Variants in WDR86 observed in about 807,000 individuals in gnomAD.
WDR86 encodes the protein WD repeat domain 86.
Under a neutral mutation model 36.5 loss-of-function variants are expected in WDR86, and 30 were observed. The observed-to-expected ratio is 0.82, with a 90% confidence interval of 0.61 to 1.11. WDR86 has a LOEUF of 1.11. Among genes scored for constraint, WDR86 ranks in the 50% most tolerant of loss-of-function variants. WDR86 has a pLI of 0.00. For synonymous variants in WDR86, 255 were observed against 252.9 expected, an observed-to-expected ratio of 1.01 and a Z score of -0.08; for missense variants, 545 against 561.2, an observed-to-expected ratio of 0.97 and a Z score of 0.29.
chr7:151,409,262 T>A lies in WDR86; in HGVS notation c.163+165A>T. 1 of 1,197,768 alleles carries A rather than the reference T, an allele frequency of 8.3e-7. No homozygotes were observed. The highest frequency in any genetic ancestry group is 1.2e-6 in the Non-Finnish European group (1 of 856,574). 74.2% of individuals were successfully genotyped at this position (1,197,768 alleles called of 1,614,324 possible). Reference sequence around the variant, plus strand: ...GACCTCACCCTGCCCTGCCGTGCGCTCAACAGCCAGATGCTGGGCCCAGAC... The same window carrying A: ...GACCTCACCCTGCCCTGCCGTGCGCACAACAGCCAGATGCTGGGCCCAGAC... On this transcript the variant is annotated intron_variant, in intron 1 of 5. Coordinates refer to ENST00000334493, the MANE Select transcript of WDR86 (RefSeq NM_198285.3). The surrounding 1 kb of genome is among the most constrained non-coding windows in gnomAD (Gnocchi z 5.2).
At chr7:151,402,070 A>AAAAATATATATATATAT in intron 1 of WDR86, among the ~76,000 whole-genome samples, 20 of 50,520 alleles carry the variant, frequency 4.0e-4, no homozygotes, top group East Asian at 4.9e-4. Flanking sequence ...AAAAAAAAAA[A>AAAAATATATATATATAT]ATATATATAT....
At chr7:151,369,759 C>G in the WDR86 span, among the ~76,000 whole-genome samples, 1 of 152,212 alleles carries the variant, frequency 6.6e-6, no homozygotes, top group African/African-American at 2.4e-5. Flanking sequence ...CAGGTCCTTT[C>G]TAGCTGTAAA....
intron 2 of WDR86, among the ~76,000 whole-genome samples, chr7:151,398,061 G>A (rs910220373): frequency 1.1e-4 from 17 of 152,228 alleles, no homozygotes; most frequent in Non-Finnish European, 2.2e-4. Context: ...TGGGTTTGGA[G>A]CTGTGACCGA....
Position 151,409,192 on chromosome 7 carries a change from C to A in WDR86, c.163+235G>T. ...TAGCGGACGCCCCTCGACCCACCCA[C>A]CCGATCCCGGCCGCACCCTGCTCTG... is the stretch of plus-strand genomic sequence containing the variant. On this transcript the variant is annotated intron_variant, in intron 1 of 5. Coordinates refer to ENST00000334493, the MANE Select transcript of WDR86 (RefSeq NM_198285.3). The surrounding 1 kb of genome is among the most constrained non-coding windows in gnomAD (Gnocchi z 5.2). 8 of 627,022 alleles carry A rather than the reference C, an allele frequency of 1.3e-5. No homozygotes were observed. The highest frequency in any genetic ancestry group is 1.7e-5 in the Non-Finnish European group (6 of 349,506). The allele number at this position is 627,022 out of a possible 1,614,324, so 38.8% of individuals were successfully genotyped here.
chr7:151,376,098 A>G (rs900298760), exon 2 of WDR86: 8 of 621,506 alleles, frequency 1.3e-5, no homozygotes, highest in Non-Finnish European at 2.0e-5. Context: ...GAGGCCACCC[A>G]CGCAGTAACA....
Position 151,388,585 on chromosome 7 carries a change from C to T in WDR86, c.727-3362G>A, listed in dbSNP as rs4725402. The stretch of plus-strand genomic sequence containing the variant: ...GGCCTGTGTGCTCCTGGCTCTGTCC[C>T]CACCTGGCTTCTGGGACCCCTGAGA... On this transcript the variant is annotated intron_variant, in intron 3 of 5. Transcript: ENST00000334493. This position sits in a 1 kb window ranked among gnomAD's most constrained non-coding sequence, Gnocchi z 4.2. Among the ~76,000 whole-genome samples, 95,572 of 152,078 alleles carry T rather than the reference C, an allele frequency of 0.63. 30,572 individuals are homozygous for T. Among genetic ancestry groups the T allele is most frequent in the East Asian group, 0.81 (4,160 of 5,150 alleles).
intron 3 of WDR86, among the ~76,000 whole-genome samples, chr7:151,393,230 TG>T (rs1054192169): frequency 3.9e-5 from 6 of 152,214 alleles, no homozygotes; most frequent in South Asian, 2.1e-4. Context: ...CATGTGTGCC[TG>T]TGGGGTGTGC....
downstream of WDR86, chr7:151,376,369 G>C (rs1798247396): frequency 2.0e-6 from 1 of 510,930 alleles, no homozygotes; most frequent in African/African-American, 1.9e-5. Context: ...TCGTGGTGAG[G>C]CTGGTGTGGC....
downstream of WDR86, chr7:151,377,758 C>G (rs539058324): frequency 6.6e-6 from 1 of 152,292 alleles, no homozygotes; most frequent in African/African-American, 2.4e-5. Context: ...TGGGGCATAA[C>G]GATGAGGCGC....
chr7:151,373,529 A>C (rs1359815627), downstream of WDR86, among the ~76,000 whole-genome samples: 1 of 152,114 alleles, frequency 6.6e-6, no homozygotes, highest in African/African-American at 2.4e-5. Context: ...GTCTCTGGGC[A>C]CTCTGTGGGT....
At chr7:151,387,412 A>AG (rs1799068413) in intron 3 of WDR86, among the ~76,000 whole-genome samples, 4 of 152,044 alleles carry the variant, frequency 2.6e-5, no homozygotes, top group Non-Finnish European at 5.9e-5. Flanking sequence ...ACACAGGCCG[A>AG]GGGGGCGCTC....
intron 1 of WDR86, among the ~76,000 whole-genome samples, chr7:151,403,390 A>G (rs1301250903): frequency 1.3e-5 from 2 of 152,230 alleles, no homozygotes; most frequent in African/African-American, 2.4e-5. Flanking sequence ...TATTACATTA[A>G]GAATTTTGAT....
At chr7:151,398,938 A>G (rs1260646465) in intron 2 of WDR86, among the ~76,000 whole-genome samples, 1 of 151,680 alleles carries the variant, frequency 6.6e-6, no homozygotes, top group Non-Finnish European at 1.5e-5. Context: ...CTCTTCTTTC[A>G]TGGCAAACTT....
At chr7:151,385,335 G>C in intron 3 of WDR86, 112 bp from the exon 4 acceptor site, 1 of 1,508,976 alleles carries the variant, frequency 6.6e-7, no homozygotes, top group Non-Finnish European at 8.9e-7. Flanking sequence ...TGAAACCATG[G>C]GTGAGCCTCG....
At chr7:151,382,231 C>T (rs1457238323) in intron 4 of WDR86, among the ~76,000 whole-genome samples, 1 of 152,240 alleles carries the variant, frequency 6.6e-6, no homozygotes, top group Non-Finnish European at 1.5e-5. Context: ...CGGGCCCAGT[C>T]CCCACTCCGC....
downstream of WDR86, chr7:151,377,253 CT>C: frequency 1.4e-6 from 2 of 1,436,704 alleles, no homozygotes; most frequent in African/African-American, 2.8e-5. Context: ...CGCTAATTTT[CT>C]GCTTATAAAT....
exon 2 of WDR86, chr7:151,376,021 A>C: frequency 2.2e-6 from 2 of 905,888 alleles, no homozygotes; most frequent in Admixed American, 1.7e-5. Flanking sequence ...TGAATCAGGC[A>C]GCAGGACTGG....
chr7:151,376,991 G>A, downstream of WDR86: 1 of 1,456,844 alleles, frequency 6.9e-7, no homozygotes, highest in South Asian at 1.4e-5. Context: ...TGGTCGTGCA[G>A]TGTCCCCAGG....
At position 151,395,796 on chromosome 7, in the gene WDR86, C is replaced by G; in HGVS notation, c.706G>C (p.Gly236Arg). 6.4e-7 allele frequency: 1 copy of G among 1,563,050 alleles called. No homozygotes were observed. The highest frequency in any genetic ancestry group is 8.7e-7 in the Non-Finnish European group (1 of 1,155,760). ...CTCACCTCCAGACAGATGACGGAGC[C>G]CCGGTGCTCCCGGAACACCCGCAGC... ...EQLRVFREHR[G>R]SVICLELVNR... The change falls in exon 3 of 6, where the codon GGC becomes CGC. Residue 236 changes from glycine (G) to arginine (R), a missense_variant. Coordinates refer to ENST00000334493, the MANE Select transcript of WDR86 (RefSeq NM_198285.3).
Sources: gnomAD v4.1 joint callset for allele counts (sites outside exome capture counted in the v4.1 genomes callset) on GRCh38, gnomAD v4.1.1 for gene constraint, Gnocchi (gnomAD v3.1) non-coding constraint, MANE v1.5 for transcripts, NCBI Gene and HGNC (gene_info 2026-07-23, HGNC 2026-07-21) for gene names.